ERAP1: variants seen among roughly 807,000 people sequenced by gnomAD.
The protein encoded by ERAP1 is endoplasmic reticulum aminopeptidase 1.
A neutral mutation model predicts 103.7 loss-of-function variants in ERAP1; 86 were observed. The observed-to-expected ratio is 0.83, with a 90% CI of 0.70 to 0.99. The LOEUF is 0.99. ERAP1 is among the 50% of genes least tolerant of loss of function. ERAP1 has a pLI of 0.00. For synonymous variants in ERAP1, 398 were observed against 402.4 expected (o/e 0.99, Z 0.13); for missense variants, 1,009 against 1,128.4 (o/e 0.89, Z 1.52).
rs1425316299 is a variant in ERAP1, at chr5:96,793,451, G to A, written c.1137C>T (p.Ala379=). Residue 379 remains alanine, a synonymous_variant, in exon 7 of 19, where the codon GCC becomes GCT. Transcript: ENST00000443439. ...TGACAGACACAAACTCCATAAATTT[G>A]GCAAATCCTTCATTTAGCCAAAGAT... is the stretch of plus-strand genomic sequence containing the variant. ...WNDLWLNEGF[A]KFMEFVSVSV... is the part of the protein sequence containing the mutation. 6.2e-7 allele frequency: 1 copy of A among 1,613,676 alleles called. No individual in the cohort carries two copies. The highest frequency in any genetic ancestry group is 8.5e-7 in the Non-Finnish European group (1 of 1,179,848).
chr5:96,880,135 G>C, the ERAP1 span: 66 of 1,614,116 alleles, frequency 4.1e-5, no homozygotes, highest in Non-Finnish European at 5.5e-5. Flanking sequence ...AAATTGCACT[G>C]CTGGTTCCAG....
chr5:96,892,372 A>G, the ERAP1 span: 1 of 1,614,096 alleles, frequency 6.2e-7, no homozygotes, highest in Admixed American at 1.7e-5. Context: ...GGGAGACGTC[A>G]CTGCTTTTTG....
chr5:96,905,582 T>G, the ERAP1 span, among the ~76,000 whole-genome samples: 1 of 152,218 alleles, frequency 6.6e-6, no homozygotes, highest in African/African-American at 2.4e-5. Context: ...TTATGAAACT[T>G]CAATTTAAGA....
the ERAP1 span, among the ~76,000 whole-genome samples, chr5:96,879,328 A>T: frequency 6.6e-6 from 1 of 152,266 alleles, no homozygotes; most frequent in African/African-American, 2.4e-5. Flanking sequence ...ACAAGAATTC[A>T]GAAGAAATTC....
the ERAP1 span, among the ~76,000 whole-genome samples, chr5:96,835,909 G>A: frequency 6.6e-6 from 1 of 152,124 alleles, no homozygotes; most frequent in Non-Finnish European, 1.5e-5. Flanking sequence ...AATTTCAACT[G>A]CAGGCATACT....
At chr5:96,790,974 C>G (rs988274826) in intron 8 of ERAP1, among the ~76,000 whole-genome samples, 1 of 152,204 alleles carries the variant, frequency 6.6e-6, no homozygotes, top group African/African-American at 2.4e-5. Flanking sequence ...AACATTGGAC[C>G]TTGAGCTACT....
chr5:96,770,199 T>C, downstream of ERAP1: 1 of 292,308 alleles, frequency 3.4e-6, no homozygotes, highest in South Asian at 4.0e-5. Flanking sequence ...GTACTAGGGT[T>C]CCCTTTTCTC....
chr5:96,917,469 T>C, the ERAP1 span: 2 of 1,607,300 alleles, frequency 1.2e-6, no homozygotes, highest in South Asian at 2.2e-5. Flanking sequence ...CAGGTGAAAC[T>C]ATTTTTTGAA....
At chr5:96,876,533 G>A in the ERAP1 span, 54 of 152,384 alleles carry the variant, frequency 3.5e-4, no homozygotes, top group African/African-American at 1.2e-3. Flanking sequence ...TTAAGGTAAC[G>A]TATCAACATT....
downstream of ERAP1, chr5:96,773,164 G>C (rs1773074477): frequency 6.5e-6 from 1 of 153,662 alleles, no homozygotes; most frequent in African/African-American, 2.4e-5. Flanking sequence ...TTGTACATTG[G>C]GCACATATCT....
In ERAP1 at chr5:96,800,969, C is replaced by T. The variant is rs753510979; in HGVS notation, c.556G>A (p.Ala186Thr). The change falls in exon 3 of 19, where the codon GCA becomes ACA. Residue 186 changes from alanine to threonine, a missense_variant. Physicochemically the swap from Ala to Thr is moderately conservative, Grantham distance 58 (BLOSUM62 0). Around this residue, in one of 3 missense-constraint regions of ERAP1, gnomAD observed 392 missense variants for 455.2 expected, o/e 0.86. Coordinates refer to ENST00000443439, the MANE Select transcript of ERAP1 (RefSeq NM_001040458.3). ...AAGCAGGGAAAGGCCATTCTAGCTG[C>T]AGTGGGTTCAAATTGTGTTGATGCT... is the stretch of plus-strand genomic sequence containing the variant. ...ILASTQFEPT[A>T]ARMAFPCFDE... The T allele has an allele frequency of 6.2e-7, 1 of 1,614,122 alleles. No homozygotes were observed. Among genetic ancestry groups the T allele is most frequent in the Admixed American group, 1.7e-5 (1 of 60,016 alleles).
At chr5:96,871,780 T>G in the ERAP1 span, among the ~76,000 whole-genome samples, 1 of 152,240 alleles carries the variant, frequency 6.6e-6, no homozygotes. Context: ...TCTGTTTTTG[T>G]TTTCAGTAAG....
At chr5:96,886,895 T>G in the ERAP1 span, 1 of 1,090,640 alleles carries the variant, frequency 9.2e-7, no homozygotes, top group Non-Finnish European at 1.2e-6. Context: ...TATGTTTATA[T>G]TACAAGAAGA....
At chr5:96,784,728 A>T in intron 13 of ERAP1, 1 of 154,130 alleles carries the variant, frequency 6.5e-6, no homozygotes, top group Admixed American at 6.4e-5. Context: ...GCCTGGTCAA[A>T]CAGACTATCA....
At chr5:96,855,391 G>T in the ERAP1 span, among the ~76,000 whole-genome samples, 2 of 152,186 alleles carry the variant, frequency 1.3e-5, no homozygotes, top group Admixed American at 1.3e-4. Context: ...CAGAGATTCT[G>T]TTGAAACTAC....
the ERAP1 span, among the ~76,000 whole-genome samples, chr5:96,841,538 A>AC: frequency 5.3e-5 from 8 of 151,308 alleles, no homozygotes; most frequent in East Asian, 3.9e-4. Context: ...TGGCACCACC[A>AC]CCCCCCCACA....
chr5:96,913,403 G>C, the ERAP1 span: 2 of 1,614,052 alleles, frequency 1.2e-6, no homozygotes, highest in South Asian at 1.1e-5. Flanking sequence ...CGTCCAAAGG[G>C]GCAGCAACTA....
the ERAP1 span, chr5:96,848,542 T>G: frequency 6.6e-6 from 1 of 152,190 alleles, no homozygotes; most frequent in East Asian, 1.9e-4. Flanking sequence ...CTAGAAGGAA[T>G]GAATTCCTAA....
the ERAP1 span, among the ~76,000 whole-genome samples, chr5:96,815,491 A>C: frequency 3.5e-5 from 5 of 144,520 alleles, no homozygotes; most frequent in South Asian, 1.1e-3. Flanking sequence ...GGCTCACAGC[A>C]ACCTCTGCCT....
Sources: allele counts gnomAD v4.1 joint callset (sites outside exome capture counted in the v4.1 genomes callset), GRCh38; gene constraint gnomAD v4.1.1; regional missense constraint gnomAD v4.1.1; transcripts MANE v1.5; gene names NCBI Gene and HGNC (gene_info 2026-07-23, HGNC 2026-07-21).